CNTN4: variants seen among roughly 807,000 people sequenced by gnomAD.
The protein encoded by CNTN4 is contactin-4.
A neutral mutation model predicts 122.5 loss-of-function variants in CNTN4; 77 were observed. The ratio of observed to expected loss-of-function variants is 0.63; its 90% CI spans 0.52 to 0.76. The LOEUF is 0.76. CNTN4 is among the 30% of genes least tolerant of loss of function. The pLI, the probability that CNTN4 is intolerant of heterozygous loss-of-function variation, is 0.00. For synonymous variants in CNTN4, 512 were observed against 447.0 expected, an observed-to-expected ratio of 1.15 and a Z score of -1.83; for missense variants, 1,256 against 1,259.1, an observed-to-expected ratio of 1.00 and a Z score of 0.04.
At chr3:2,294,365 T>A (rs1394812252) in intron 2 of CNTN4, among the ~76,000 whole-genome samples, 1 of 150,574 alleles carries the variant, frequency 6.6e-6, no homozygotes, top group African/African-American at 2.5e-5. Context: ...GTGCGGTGGC[T>A]CACGCCTGTA....
chr3:2,118,016 C>T (rs2033480663), intron 2 of CNTN4, among the ~76,000 whole-genome samples: 1 of 152,150 alleles, frequency 6.6e-6, no homozygotes, highest in Non-Finnish European at 1.5e-5. Flanking sequence ...CTATTACAGA[C>T]ACTCTTAGAT....
intron 3 of CNTN4, among the ~76,000 whole-genome samples, chr3:2,421,344 C>T (rs76043011): frequency 6.6e-6 from 1 of 150,968 alleles, no homozygotes; most frequent in Admixed American, 6.6e-5. Context: ...CCTCTACTCA[C>T]GGGTTCAAGC....
chr3:2,930,565 G>T (rs1406689433), intron 13 of CNTN4, among the ~76,000 whole-genome samples: 4 of 152,110 alleles, frequency 2.6e-5, no homozygotes, highest in Non-Finnish European at 5.9e-5. Flanking sequence ...TATGCTTAAG[G>T]GTTTCCCCCC....
chr3:2,425,675 T>G (rs966925596), intron 3 of CNTN4, among the ~76,000 whole-genome samples: 16 of 152,220 alleles, frequency 1.1e-4, no homozygotes, highest in Admixed American at 3.3e-4. Context: ...ATGGCCATTT[T>G]CACGATATTG....
intron 2 of CNTN4, among the ~76,000 whole-genome samples, chr3:2,159,714 T>C (rs1031407764): frequency 1.1e-4 from 16 of 152,208 alleles, no homozygotes; most frequent in African/African-American, 3.6e-4. Context: ...ATATGAGATA[T>C]ATAAGCAGCC....
intron 10 of CNTN4, among the ~76,000 whole-genome samples, chr3:2,895,346 C>G (rs1052225760): frequency 2.6e-5 from 4 of 152,216 alleles, no homozygotes; most frequent in Admixed American, 1.3e-4. Context: ...ATTTTCATAA[C>G]ATTTACAGGA....
chr3:2,179,126 A>G lies in CNTN4; in HGVS notation c.-145+78487A>G, dbSNP rs184372340. 6.0e-3 allele frequency among the ~76,000 whole-genome samples: 914 copies of G among 152,216 alleles called. 3 individuals are homozygous for G. Among genetic ancestry groups the G allele is most frequent in the Non-Finnish European group, 9.0e-3 (613 of 67,964 alleles). ...GTTATCAATTAATTTGCAGTTCACC[A>G]GTAACCATCTGATTATCTCTAACAA... On this transcript the variant is annotated intron_variant, in intron 2 of 24. Transcript: ENST00000418658.
intron 13 of CNTN4, among the ~76,000 whole-genome samples, chr3:2,937,185 A>C (rs146881930): frequency 2.4e-4 from 37 of 152,278 alleles, no homozygotes; most frequent in South Asian, 1.7e-3. Flanking sequence ...ACTTTTGATT[A>C]AATTGTCACT....
At chr3:2,787,797 T>G (rs1453248646) in intron 6 of CNTN4, among the ~76,000 whole-genome samples, 3 of 151,494 alleles carry the variant, frequency 2.0e-5, no homozygotes, top group South Asian at 2.1e-4. Flanking sequence ...GTTTTTGTTT[T>G]TTTTTTTTTT....
intron 3 of CNTN4, among the ~76,000 whole-genome samples, chr3:2,546,833 T>C (rs1048039714): frequency 1.3e-5 from 2 of 152,068 alleles, no homozygotes; most frequent in Admixed American, 6.6e-5. Context: ...AAAATGAATA[T>C]GAGCAGTATC....
At chr3:2,147,958 G>A (rs937200087) in intron 2 of CNTN4, among the ~76,000 whole-genome samples, 1 of 152,028 alleles carries the variant, frequency 6.6e-6, no homozygotes, top group Non-Finnish European at 1.5e-5. Context: ...CTGTTTCATC[G>A]TGACTCTTCT....
At chr3:2,277,164 G>T (rs1198771200) in intron 2 of CNTN4, among the ~76,000 whole-genome samples, 1 of 152,110 alleles carries the variant, frequency 6.6e-6, no homozygotes, top group Non-Finnish European at 1.5e-5. Flanking sequence ...AAGGCTATAA[G>T]AGTTCATAAA....
intron 2 of CNTN4, among the ~76,000 whole-genome samples, chr3:2,200,172 G>C (rs2038032556): frequency 6.6e-6 from 1 of 152,142 alleles, no homozygotes; most frequent in Non-Finnish European, 1.5e-5. Context: ...CCAAGCAAGA[G>C]ATGATTCATT....
At chr3:2,229,672 T>A (rs2039412984) in intron 2 of CNTN4, among the ~76,000 whole-genome samples, 1 of 152,206 alleles carries the variant, frequency 6.6e-6, no homozygotes, top group Non-Finnish European at 1.5e-5. Flanking sequence ...TAAGAGTAAG[T>A]ATTATTATTT....
intron 10 of CNTN4, among the ~76,000 whole-genome samples, chr3:2,891,301 G>C (rs1413790016): frequency 1.3e-5 from 2 of 152,066 alleles, no homozygotes; most frequent in South Asian, 4.2e-4. Context: ...AAAATTAGCT[G>C]GGTGTGGTGG....
At chr3:2,896,714 G>A (rs577711079) in intron 10 of CNTN4, among the ~76,000 whole-genome samples, 12 of 152,148 alleles carry the variant, frequency 7.9e-5, no homozygotes, top group Non-Finnish European at 1.6e-4. Flanking sequence ...TCCCAGGCAG[G>A]AGATAGAGAT....
At chr3:2,663,017 G>T (rs1018054994) in intron 4 of CNTN4, among the ~76,000 whole-genome samples, 1 of 151,868 alleles carries the variant, frequency 6.6e-6, no homozygotes, top group Admixed American at 6.6e-5. Flanking sequence ...CAGGAGAATC[G>T]CTTGAACCCA....
At chr3:3,052,558 G>A (rs1245087621) in intron 23 of CNTN4, among the ~76,000 whole-genome samples, 1 of 152,146 alleles carries the variant, frequency 6.6e-6, no homozygotes, top group Non-Finnish European at 1.5e-5. Flanking sequence ...AGCTTTAGTG[G>A]TTCTATAGGT....
chr3:2,220,651 T>A (rs2039026190), intron 2 of CNTN4, among the ~76,000 whole-genome samples: 1 of 152,070 alleles, frequency 6.6e-6, no homozygotes, highest in African/African-American at 2.4e-5. Flanking sequence ...CTCAGTTTGA[T>A]CATCTGAAAA....
Sources: allele counts gnomAD v4.1 joint callset (sites outside exome capture counted in the v4.1 genomes callset), GRCh38; gene constraint gnomAD v4.1.1; transcripts MANE v1.5; gene names NCBI Gene and HGNC (gene_info 2026-07-23, HGNC 2026-07-21).